CHCHD3: variants seen among roughly 807,000 people sequenced by gnomAD.
The protein encoded by CHCHD3 is MICOS complex subunit MIC19.
In CHCHD3, 20 loss-of-function variants were observed where a neutral mutation model predicts 38.2. The observed-to-expected ratio is 0.52, with a 90% CI of 0.37 to 0.76. The LOEUF (loss-of-function observed/expected upper bound fraction) is 0.76. CHCHD3 is among the 30% of genes least tolerant of loss of function. The pLI is 0.00. For missense variants in CHCHD3, 245 were observed against 279.2 expected, an observed-to-expected ratio of 0.88 and a Z score of 0.87; for synonymous variants, 82 against 100.0, an observed-to-expected ratio of 0.82 and a Z score of 1.07.
At chr7:132,897,778 G>GTA (rs1472684343) in intron 4 of CHCHD3, among the ~76,000 whole-genome samples, 2 of 152,224 alleles carry the variant, frequency 1.3e-5, no homozygotes, top group African/African-American at 4.8e-5. Context: ...AAATCCACCT[G>GTA]TATACTATGT....
intron 2 of CHCHD3, among the ~76,000 whole-genome samples, chr7:133,061,710 A>T (rs1001489173): frequency 6.6e-6 from 1 of 152,240 alleles, no homozygotes; most frequent in Admixed American, 6.5e-5. Context: ...AGTAATTTCA[A>T]GCTCCAATCA....
chr7:132,951,329 GA>G (rs1811032052), intron 4 of CHCHD3, among the ~76,000 whole-genome samples: 1 of 152,162 alleles, frequency 6.6e-6, no homozygotes, highest in Non-Finnish European at 1.5e-5. Flanking sequence ...GCTTTACAGG[GA>G]GGGGTGCAAG....
At chr7:132,983,181 G>A (rs562772529) in intron 3 of CHCHD3, among the ~76,000 whole-genome samples, 1 of 152,046 alleles carries the variant, frequency 6.6e-6, no homozygotes, top group Non-Finnish European at 1.5e-5. Context: ...AAATTAGCCA[G>A]GCATGGTGGT....
intron 3 of CHCHD3, chr7:133,022,532 T>C (rs529327155): frequency 2.2e-6 from 1 of 456,220 alleles, no homozygotes. Context: ...TAGCTATTGA[T>C]TCTCCTAAGA....
At chr7:132,880,515 T>C (rs1809024107) in intron 5 of CHCHD3, among the ~76,000 whole-genome samples, 1 of 152,236 alleles carries the variant, frequency 6.6e-6, no homozygotes, top group Admixed American at 6.5e-5. Context: ...TTTGTGTGTA[T>C]TTTAAAACTA....
At chr7:133,032,734 A>G (rs77659157) in intron 2 of CHCHD3, among the ~76,000 whole-genome samples, 146 of 152,304 alleles carry the variant, frequency 9.6e-4, no homozygotes, top group Non-Finnish European at 1.5e-3. Context: ...AATCAGATAT[A>G]TCTAGTATTT....
chr7:132,984,235 G>A (rs1036115724), intron 3 of CHCHD3, among the ~76,000 whole-genome samples: 1 of 151,762 alleles, frequency 6.6e-6, no homozygotes, highest in African/African-American at 2.4e-5. Context: ...ACTGGTTTTC[G>A]TATTTTTTTG....
At chr7:133,066,119 G>C (rs959850633) in intron 2 of CHCHD3, among the ~76,000 whole-genome samples, 4 of 152,180 alleles carry the variant, frequency 2.6e-5, no homozygotes, top group Non-Finnish European at 5.9e-5. Flanking sequence ...CATAAAATGT[G>C]AAGAGTGCAA....
chr7:133,033,532 G>C (rs1813562542), intron 2 of CHCHD3, among the ~76,000 whole-genome samples: 1 of 152,100 alleles, frequency 6.6e-6, no homozygotes, highest in African/African-American at 2.4e-5. Flanking sequence ...CATTGTTTTA[G>C]ACAGGGCTAA....
rs78355017 is a variant in CHCHD3 at position 132,826,589 on chromosome 7, A to G, written c.524+11810T>C. On this transcript the variant is annotated intron_variant, in intron 6 of 7. Coordinates refer to ENST00000262570, the MANE Select transcript of CHCHD3 (RefSeq NM_017812.4). Reference sequence around the variant, plus strand: ...TATTGGCCACTGAATGGGAAAGCACATGAAATAATTTAAGGCAGGCATGTG... The same window carrying G: ...TATTGGCCACTGAATGGGAAAGCACGTGAAATAATTTAAGGCAGGCATGTG... Among the ~76,000 whole-genome samples the G allele has an allele frequency of 4.4e-3, 666 of 152,334 alleles. 12 individuals carry two copies. Among genetic ancestry groups the G allele is most frequent in the East Asian group, 0.03 (157 of 5,188 alleles).
At chr7:132,935,375 G>A (rs1224597275) in intron 4 of CHCHD3, among the ~76,000 whole-genome samples, 4 of 152,100 alleles carry the variant, frequency 2.6e-5, no homozygotes, top group African/African-American at 9.7e-5. Context: ...TATCACACTA[G>A]CATTTTTAAT....
At chr7:133,073,172 C>A (rs1049494107) in intron 1 of CHCHD3, among the ~76,000 whole-genome samples, 1 of 152,062 alleles carries the variant, frequency 6.6e-6, no homozygotes, top group Non-Finnish European at 1.5e-5. Context: ...CCACTCCCGT[C>A]TTCTGGAAAG....
intron 4 of CHCHD3, among the ~76,000 whole-genome samples, chr7:132,898,249 G>C (rs1174250620): frequency 1.3e-5 from 2 of 152,154 alleles, no homozygotes; most frequent in African/African-American, 4.8e-5. Context: ...TGCTGGCTGG[G>C]GCAGCCTGCT....
At chr7:132,896,875 G>T (rs558641351) in intron 4 of CHCHD3, among the ~76,000 whole-genome samples, 1 of 152,278 alleles carries the variant, frequency 6.6e-6, no homozygotes, top group East Asian at 1.9e-4. Flanking sequence ...AATTAGCACT[G>T]AAAGAGGAAA....
intron 4 of CHCHD3, among the ~76,000 whole-genome samples, chr7:132,948,330 C>CTTTTTTGCT (rs1810948017): frequency 6.6e-6 from 1 of 151,934 alleles, no homozygotes; most frequent in South Asian, 2.1e-4. Context: ...AAGAGATGTG[C>CTTTTTTGCT]TTTTTCATGC....
intron 1 of CHCHD3, among the ~76,000 whole-genome samples, chr7:133,076,304 C>A (rs939970263): frequency 5.9e-5 from 9 of 152,122 alleles, no homozygotes; most frequent in African/African-American, 2.2e-4. Context: ...CTGAGGTCCA[C>A]AGACTGAGTA....
At chr7:133,021,997 G>T (rs550748481) in intron 3 of CHCHD3, among the ~76,000 whole-genome samples, 1 of 152,108 alleles carries the variant, frequency 6.6e-6, no homozygotes, top group Admixed American at 6.5e-5. Context: ...TGAGGCAGGA[G>T]AATTGCTTGA....
At chr7:133,067,911 T>C (rs1377088690) in intron 2 of CHCHD3, among the ~76,000 whole-genome samples, 1 of 152,076 alleles carries the variant, frequency 6.6e-6, no homozygotes, top group African/African-American at 2.4e-5. Flanking sequence ...GGTCAGGAGA[T>C]TTAGACCATC....
chr7:132,896,056 G>A (rs966214544), intron 4 of CHCHD3, among the ~76,000 whole-genome samples: 1 of 152,200 alleles, frequency 6.6e-6, no homozygotes, highest in Non-Finnish European at 1.5e-5. Flanking sequence ...ATTGTAGATT[G>A]GGGTTGGGTC....
Sources: gnomAD v4.1 joint callset for allele counts (sites outside exome capture counted in the v4.1 genomes callset) on GRCh38, gnomAD v4.1.1 for gene constraint, MANE v1.5 for transcripts, NCBI Gene and HGNC (gene_info 2026-07-23, HGNC 2026-07-21) for gene names.